The following GRAMD1B variants were observed in gnomAD, a reference collection of about 807,000 sequenced individuals.
The protein encoded by GRAMD1B is GRAM domain containing 1B.
In GRAMD1B, 37 loss-of-function variants were observed where a neutral mutation model predicts 99.7. The observed-to-expected ratio is 0.37, with a 90% CI of 0.29 to 0.49. The LOEUF is 0.49. Among genes scored for constraint, GRAMD1B ranks in the 20% least tolerant of loss-of-function variants. The pLI is 0.98. For missense variants in GRAMD1B, 888 were observed against 1,009.2 expected, an observed-to-expected ratio of 0.88 and a Z score of 1.63; for synonymous variants, 427 against 387.6, an observed-to-expected ratio of 1.10 and a Z score of -1.19.
At chr11:123,500,079 G>A (rs1939703978) in intron 2 of GRAMD1B, among the ~76,000 whole-genome samples, 2 of 152,214 alleles carry the variant, frequency 1.3e-5, no homozygotes, top group South Asian at 4.1e-4. Context: ...TGTAATCCCA[G>A]CACTTTGGGA....
intron 8 of GRAMD1B, 58 bp from the exon 9 acceptor site, chr11:123,603,366 CTG>C: frequency 9.8e-7 from 1 of 1,024,280 alleles, no homozygotes; most frequent in Non-Finnish European, 1.5e-6. Flanking sequence ...CTCAGTGCCT[CTG>C]TGCAGAGTCG....
At chr11:123,472,650 T>C (rs933916395) in intron 1 of GRAMD1B, among the ~76,000 whole-genome samples, 2 of 152,240 alleles carry the variant, frequency 1.3e-5, no homozygotes, top group South Asian at 2.1e-4. Flanking sequence ...CAGATTTTTA[T>C]AGACAGGCTT....
intron 1 of GRAMD1B, among the ~76,000 whole-genome samples, chr11:123,368,275 A>AAAAAAAAAAAAAAG (rs60644137): frequency 8.7e-5 from 11 of 127,106 alleles, no homozygotes; most frequent in African/African-American, 2.9e-4. Flanking sequence ...AAAAAAAAAA[A>AAAAAAAAAAAAAAG]AAAGAAAGAA....
At chr11:123,402,576 A>T (rs1233850359) in intron 1 of GRAMD1B, among the ~76,000 whole-genome samples, 1 of 152,162 alleles carries the variant, frequency 6.6e-6, no homozygotes, top group Non-Finnish European at 1.5e-5. Flanking sequence ...TGGTTAGCTG[A>T]ATTTCCCAGC....
Position 123,577,502 on chromosome 11 carries a change from C to T in GRAMD1B, c.588C>T (p.Ser196=), listed in dbSNP as rs745340405. 2 of 1,601,574 alleles carry T rather than the reference C, an allele frequency of 1.2e-6. No homozygotes were observed. The highest frequency in any genetic ancestry group is 1.1e-5 in the South Asian group (1 of 88,614). The change falls in exon 3 of 20, where the codon TCC becomes TCT. Residue 196 remains serine (S), a synonymous_variant. Transcript: ENST00000635736. ...GCTCAGATCACTCCTCGGACAAGTC[C>T]CCGTCCACACCGGAGCAGGGCGTGC... The part of the protein sequence containing the change: ...EKGSDHSSDK[S]PSTPEQGVQR...
chr11:123,590,845 C>T (rs1342394793), intron 4 of GRAMD1B, among the ~76,000 whole-genome samples: 1 of 152,180 alleles, frequency 6.6e-6, no homozygotes, highest in Non-Finnish European at 1.5e-5. Flanking sequence ...GCTGGGCATT[C>T]GGTTCCTTTG....
chr11:123,487,669 A>G (rs1341112379), intron 2 of GRAMD1B, among the ~76,000 whole-genome samples: 2 of 152,166 alleles, frequency 1.3e-5, no homozygotes, highest in Non-Finnish European at 1.5e-5. Flanking sequence ...CAGTGATGCA[A>G]TCTCGGCTCA....
Position 123,446,143 on chromosome 11 carries a change from G to A in GRAMD1B, c.374+14977G>A, listed in dbSNP as rs113799113. ...TGGACCTCACTGGTTCTCTAGTAGG[G>A]TCTGTGAGCCTCTGCAGACTTCTTT... On this transcript the variant is annotated intron_variant, in intron 1 of 19. Transcript: ENST00000635736. 6.7e-3 allele frequency among the ~76,000 whole-genome samples: 1,021 copies of A among 152,214 alleles called. 11 individuals carry two copies. The highest frequency in any genetic ancestry group is 0.023 in the African/African-American group (944 of 41,540).
rs534860162 is a variant in GRAMD1B, at chr11:123,536,364, G to A, written c.453-41003G>A. Among the ~76,000 whole-genome samples the A allele has an allele frequency of 7.9e-5, 12 of 152,194 alleles. No homozygotes were observed. In the South Asian group the frequency reaches 1.7e-3, roughly 21 times the overall value. ...CCAGAGGTAGAGGTTGCAGTGAGCC[G>A]AGATCTAACCACTGGACTCCAGCCT... On this transcript the variant is annotated intron_variant, in intron 2 of 19. Coordinates refer to ENST00000635736, the MANE Select transcript of GRAMD1B (RefSeq NM_001387025.1).
intron 2 of GRAMD1B, among the ~76,000 whole-genome samples, chr11:123,563,584 T>C (rs1238102033): frequency 6.6e-6 from 1 of 151,760 alleles, no homozygotes; most frequent in East Asian, 1.9e-4. Flanking sequence ...TGATGTCGGC[T>C]CACTGCAACC....
At chr11:123,365,293 C>T (rs1270955963) in intron 1 of GRAMD1B, among the ~76,000 whole-genome samples, 2 of 151,966 alleles carry the variant, frequency 1.3e-5, no homozygotes, top group Non-Finnish European at 2.9e-5. Flanking sequence ...ACACCGTTGC[C>T]CAGGCTGGAG....
At chr11:123,424,892 T>A (rs1016372813) in intron 1 of GRAMD1B, among the ~76,000 whole-genome samples, 1 of 152,210 alleles carries the variant, frequency 6.6e-6, no homozygotes, top group African/African-American at 2.4e-5. Flanking sequence ...CTTTACACAG[T>A]GTTCTAGCGT....
At chr11:123,500,739 C>T (rs937460430) in intron 2 of GRAMD1B, among the ~76,000 whole-genome samples, 2 of 151,950 alleles carry the variant, frequency 1.3e-5, no homozygotes, top group Non-Finnish European at 1.5e-5. Context: ...GTGGCGCGAT[C>T]GCGGCTTACT....
intron 4 of GRAMD1B, among the ~76,000 whole-genome samples, chr11:123,589,455 C>T (rs898938253): frequency 1.3e-5 from 2 of 151,656 alleles, no homozygotes; most frequent in Non-Finnish European, 2.9e-5. Context: ...TCTTTGGAAT[C>T]TACTTTTTTT....
At chr11:123,430,174 C>G (rs1489062711), upstream of GRAMD1B, among the ~76,000 whole-genome samples, 1 of 152,142 alleles carries the variant, frequency 6.6e-6, no homozygotes, top group African/African-American at 2.4e-5. Flanking sequence ...GCTGCCAGTG[C>G]TAGCCCATTC....
chr11:123,592,138 C>T (rs757090747), intron 4 of GRAMD1B, among the ~76,000 whole-genome samples: 3 of 152,108 alleles, frequency 2.0e-5, no homozygotes, highest in African/African-American at 4.8e-5. Context: ...GTCTCCTGGT[C>T]GGCTGCTCCT....
chr11:123,520,650 G>T (rs191405067), intron 2 of GRAMD1B, among the ~76,000 whole-genome samples: 3 of 151,122 alleles, frequency 2.0e-5, no homozygotes, highest in African/African-American at 7.3e-5. Context: ...ATGGTGGTGC[G>T]TGTCTGCAAT....
At position 123,585,829 on chromosome 11, in the gene GRAMD1B, T is replaced by C. The variant is rs1216162064; in HGVS notation, c.684+1497T>C. On this transcript the variant is annotated intron_variant, in intron 4 of 19. Transcript: ENST00000635736. ...ATCTCCGTTTGGACAGGCCAGCCCC[T>C]GTCCTTGTTGCTAATCTCCTTCCTC... Among the ~76,000 whole-genome samples, 3 of 152,228 alleles carry C rather than the reference T, an allele frequency of 2.0e-5. No individual in the cohort carries two copies. The East Asian group carries it at 5.8e-4, about 29-fold the overall frequency.
chr11:123,390,510 T>C (rs1233225322), intron 1 of GRAMD1B, among the ~76,000 whole-genome samples: 1 of 152,258 alleles, frequency 6.6e-6, no homozygotes, highest in East Asian at 1.9e-4. Context: ...AAAGAGTTTT[T>C]ATCTTTGTAA....
Sources: gnomAD v4.1 joint callset for allele counts (sites outside exome capture counted in the v4.1 genomes callset) on GRCh38, gnomAD v4.1.1 for gene constraint, MANE v1.5 for transcripts, NCBI Gene and HGNC (gene_info 2026-07-23, HGNC 2026-07-21) for gene names.